KEL: variants seen among roughly 807,000 people sequenced by gnomAD.
KEL encodes kell blood group glycoprotein.
KEL carries 96 observed loss-of-function variants against 99.5 expected under a neutral mutation model. The observed-to-expected ratio is 0.97, with a 90% CI of 0.82 to 1.14. The LOEUF (loss-of-function observed/expected upper bound fraction) is 1.14. KEL is among the 50% of genes most tolerant of loss of function. KEL has a pLI of 0.00. For missense variants in KEL, 926 were observed against 924.2 expected (o/e 1.00, Z -0.03); for synonymous variants, 355 against 354.8 (o/e 1.00, Z -0.01).
chr7:142,953,977 C>G, intron 8 of KEL, 21 bp from the exon 9 acceptor site: 1 of 1,612,020 alleles, frequency 6.2e-7, no homozygotes, highest in Non-Finnish European at 8.5e-7. Context: ...GGACACAAAG[C>G]TGAGGGGGAA....
In KEL at chr7:142,961,059, A is replaced by G. The variant is rs1445947591; in HGVS notation, c.269T>C (p.Leu90Pro). The G allele has an allele frequency of 1.9e-6, 3 of 1,614,126 alleles. No individual in the cohort carries two copies. Among genetic ancestry groups the G allele is most frequent in the Non-Finnish European group, 2.5e-6 (3 of 1,180,048 alleles). The change falls in exon 4 of 19, where the codon CTG becomes CCG. Residue 90 changes from leucine to proline, a missense_variant. Physicochemically the swap from Leu to Pro is moderately conservative, Grantham distance 98. Transcript: ENST00000355265. ...GGCCACACTTGTGTTCCCAGAGGCC[A>G]GGTAATGATCCCGGAGATCCAAACA... is the stretch of plus-strand genomic sequence containing the variant. ...SVCLDLRDHY[L>P]ASGNTSVAPC...
chr7:142,942,829 C>G, intron 17 of KEL, 46 bp downstream of exon 17: 1 of 1,609,202 alleles, frequency 6.2e-7, no homozygotes, highest in Non-Finnish European at 8.5e-7. Flanking sequence ...GACATGTTTT[C>G]TAGTCTGCCA....
chr7:142,943,896 C>A lies in KEL; in HGVS notation c.1492-13G>T, dbSNP rs1241553560. The A allele has an allele frequency of 1.2e-6, 2 of 1,609,330 alleles. No homozygotes were observed. Among genetic ancestry groups the A allele is most frequent in the South Asian group, 1.1e-5 (1 of 90,854 alleles). Reference sequence around the variant, plus strand: ...ATCCAAGCTGTATCTGGGGAAGAGGCAGGAGGTGACTTGGGCACACAGAGA... The same window carrying A: ...ATCCAAGCTGTATCTGGGGAAGAGGAAGGAGGTGACTTGGGCACACAGAGA... On this transcript the variant is annotated splice_polypyrimidine_tract_variant and intron_variant, in intron 13 of 18. Coordinates refer to ENST00000355265, the MANE Select transcript of KEL (RefSeq NM_000420.3).
In KEL at chr7:142,943,258, G is replaced by T. The variant is rs755134816; in HGVS notation, c.1771+18C>A. 1 of 1,613,002 alleles carries T rather than the reference G, an allele frequency of 6.2e-7. No individual in the cohort carries two copies. The highest frequency in any genetic ancestry group is 8.5e-7 in the Non-Finnish European group (1 of 1,179,418). On this transcript the variant is annotated intron_variant, in intron 16 of 18. Transcript: ENST00000355265. ...AGGTTCCCTATTATCCCACCTCCCA[G>T]TGGCCCCTGTTACCCACAGAGCTGG...
intron 8 of KEL, 100 bp from the exon 9 acceptor site, chr7:142,954,056 G>A: frequency 3.5e-6 from 5 of 1,442,300 alleles, no homozygotes; most frequent in South Asian, 3.4e-5. Flanking sequence ...CAGGCTAACT[G>A]GGGGAGGGGA....
chr7:142,941,262 T>C lies in KEL; in HGVS notation c.2189A>G (p.Gln730Arg). Residue 730 changes from glutamine to arginine, a missense_variant, in exon 19 of 19, where the codon CAG becomes CGG. Gln to Arg is a conservative substitution (Grantham distance 43). Transcript: ENST00000355265. ...TCTTTGGTAACCAAGTTACCAGAGC[T>C]GGCAGCGGCTGGAGGGGTTCAAGAG... ...GALLNPSSRC[Q>R]LW 1 of 1,614,156 alleles carries C rather than the reference T, an allele frequency of 6.2e-7. No homozygotes were observed. The highest frequency in any genetic ancestry group is 1.7e-5 in the Admixed American group (1 of 60,018).
chr7:142,955,035 A>C (rs1392489270), intron 6 of KEL, among the ~76,000 whole-genome samples: 1 of 152,170 alleles, frequency 6.6e-6, no homozygotes, highest in African/African-American at 2.4e-5. Context: ...AGCTGTAACC[A>C]ATCAAGCTGT....
chr7:142,942,741 G>A (rs554923880), intron 17 of KEL, 134 bp downstream of exon 17: 28 of 1,160,840 alleles, frequency 2.4e-5, no homozygotes, highest in African/African-American at 2.1e-4. Flanking sequence ...CCAAGTTGCC[G>A]TCTATTCAGT....
At position 142,960,997 on chromosome 7, in the gene KEL, C is replaced by G. The variant is rs1434041451; in HGVS notation, c.331G>C (p.Ala111Pro). The G allele has an allele frequency of 8.1e-6, 13 of 1,614,088 alleles. No homozygotes were observed. Among genetic ancestry groups the G allele is most frequent in the East Asian group, 2.2e-5 (1 of 44,896 alleles). ...TDFFSFACGR[A>P]KETNNSFQEL... ...TGAAAAGAATTATTGGTCTCTTTGG[C>G]CCTTCCACAGGCAAAGCTGAAGAAG... The change falls in exon 4 of 19, where the codon GCC (alanine) becomes CCC (proline). Residue 111 changes from alanine to proline, a missense_variant. Ala to Pro is a conservative substitution (Grantham distance 27, BLOSUM62 -1). Coordinates refer to ENST00000355265, the MANE Select transcript of KEL (RefSeq NM_000420.3).
chr7:142,961,542 T>C (rs1196237857), intron 2 of KEL, 41 bp from the exon 3 acceptor site: 32 of 1,568,336 alleles, frequency 2.0e-5, no homozygotes, highest in Non-Finnish European at 2.7e-5. Flanking sequence ...AAGATGGGGG[T>C]TGAGAGACAG....
rs775584128 is a variant in KEL at position 142,957,989 on chromosome 7, A to T, written c.526-16T>A. On this transcript the variant is annotated splice_polypyrimidine_tract_variant and intron_variant, in intron 5 of 18. Coordinates refer to ENST00000355265, the MANE Select transcript of KEL (RefSeq NM_000420.3). ...AGCCTCCAAGCTTTAAAGGAGAGAGAGGGGGCTGAGCATAAGGATCCGTGG... is the reference window on the plus strand; with the variant it reads ...AGCCTCCAAGCTTTAAAGGAGAGAGTGGGGGCTGAGCATAAGGATCCGTGG... 2 of 1,612,592 alleles carry T rather than the reference A, an allele frequency of 1.2e-6. No individual in the cohort carries two copies. The highest frequency in any genetic ancestry group is 2.2e-5 in the South Asian group (2 of 90,804).
chr7:142,955,823 C>T (rs1424845618), intron 6 of KEL, among the ~76,000 whole-genome samples: 1 of 152,158 alleles, frequency 6.6e-6, no homozygotes, highest in Non-Finnish European at 1.5e-5. Flanking sequence ...CCATTGTTTC[C>T]ACTTTCTTAT....
chr7:142,957,932 G>A lies in KEL; in HGVS notation c.567C>T (p.Asn189=), dbSNP rs948680994. The A allele has an allele frequency of 6.2e-7, 1 of 1,614,140 alleles. No homozygotes were observed. Among genetic ancestry groups the A allele is most frequent in the Non-Finnish European group, 8.5e-7 (1 of 1,180,016 alleles). Residue 189 remains asparagine, a synonymous_variant, in exon 6 of 19, where the codon AAC becomes AAT. Transcript: ENST00000355265. ...TCAGAAGTCTCAGCGTTCGGTTAAA[G>A]TTTAAGGAAGTCCATTTACCAGAGA... ...WRISGKWTSL[N]FNRTLRLLMS...
intron 10 of KEL, among the ~76,000 whole-genome samples, chr7:142,951,478 G>A (rs184473608): frequency 9.9e-5 from 15 of 152,264 alleles, no homozygotes; most frequent in African/African-American, 3.4e-4. Context: ...AGACCCTGGA[G>A]CCAGACTGCC....
Position 142,946,437 on chromosome 7 carries a change from T to C in KEL, c.1204-120A>G, listed in dbSNP as rs531344447. ...CTCTTTTGACTGGACTTTCTGGGTTTCATCTGTTTACTATCCCTTAGGGTG... is the reference window on the plus strand; with the variant it reads ...CTCTTTTGACTGGACTTTCTGGGTTCCATCTGTTTACTATCCCTTAGGGTG... On this transcript the variant is annotated intron_variant, in intron 10 of 18. Coordinates refer to ENST00000355265, the MANE Select transcript of KEL (RefSeq NM_000420.3). 8 of 795,818 alleles carry C rather than the reference T, an allele frequency of 1.0e-5. No homozygotes were observed. In the East Asian group the frequency reaches 2.1e-4, roughly 21 times the overall value. The allele number at this position is 795,818 out of a possible 1,614,324, so 49.3% of individuals were successfully genotyped here.
chr7:142,959,377 C>T (rs1030672677), intron 4 of KEL, among the ~76,000 whole-genome samples: 1 of 151,126 alleles, frequency 6.6e-6, no homozygotes, highest in Non-Finnish European at 1.5e-5. Flanking sequence ...ATGATGAAAG[C>T]AGGGAAAGAG....
At chr7:142,957,723 A>T in intron 6 of KEL, 104 bp downstream of exon 6, 1 of 1,402,062 alleles carries the variant, frequency 7.1e-7, no homozygotes, top group Non-Finnish European at 1.0e-6. Flanking sequence ...CCTATATCAC[A>T]CAGGTGTCCT....
In KEL at chr7:142,961,415, G is replaced by A. The variant is rs765035779; in HGVS notation, c.168C>T (p.Gly56=). The change falls in exon 3 of 19, where the codon GGC becomes GGT. Residue 56 remains glycine, a synonymous_variant. Transcript: ENST00000355265. ...AAAGCACAGAAAAACAAAGGAGCAGGCCCAAAATCAGGATAGCTGTCAGCA... is the reference window on the plus strand; with the variant it reads ...AAAGCACAGAAAAACAAAGGAGCAGACCCAAAATCAGGATAGCTGTCAGCA... ...RRVLTAILIL[G]LLLCFSVLLF... 2 of 1,613,732 alleles carry A rather than the reference G, an allele frequency of 1.2e-6. No homozygotes were observed. The highest frequency in any genetic ancestry group is 1.3e-5 in the African/African-American group (1 of 75,042).
chr7:142,947,145 G>A (rs533300535), intron 10 of KEL, among the ~76,000 whole-genome samples: 1 of 152,320 alleles, frequency 6.6e-6, no homozygotes, highest in African/African-American at 2.4e-5. Flanking sequence ...CACGGTAAAT[G>A]GAGACACACA....
Sources: gnomAD v4.1 joint callset for allele counts (sites outside exome capture counted in the v4.1 genomes callset) on GRCh38, gnomAD v4.1.1 for gene constraint, MANE v1.5 for transcripts, NCBI Gene and HGNC (gene_info 2026-07-23, HGNC 2026-07-21) for gene names.